Variants in HECW2 observed in about 807,000 individuals in gnomAD.
HECW2 encodes the protein HECT, C2 and WW domain containing E3 ubiquitin protein ligase 2, also known as E3 ubiquitin-protein ligase HECW2.
Under a neutral mutation model 175.2 loss-of-function variants are expected in HECW2, and 61 were observed. That is an observed-to-expected ratio of 0.35 (90% confidence interval 0.28 to 0.43). The LOEUF (loss-of-function observed/expected upper bound fraction) is 0.43. HECW2 is among the 20% of genes least tolerant of loss of function. The probability of loss-of-function intolerance (pLI) is 1.00; values close to 1 mark genes in which losing one functional copy is unlikely to be tolerated. For missense variants in HECW2, 1,524 were observed against 2,000.5 expected (o/e 0.76, Z 4.54); for synonymous variants, 671 against 731.0 (o/e 0.92, Z 1.32).
chr2:196,257,269 T>C (rs1484914887), intron 18 of HECW2, among the ~76,000 whole-genome samples: 1 of 131,756 alleles, frequency 7.6e-6, no homozygotes, highest in East Asian at 1.9e-4. Flanking sequence ...GATTTAACCA[T>C]TGGAGGGTGA....
chr2:196,481,447 G>C (rs1686840905), intron 1 of HECW2, among the ~76,000 whole-genome samples: 1 of 152,166 alleles, frequency 6.6e-6, no homozygotes, highest in Non-Finnish European at 1.5e-5. Context: ...TATGTGCTCT[G>C]CCACATTGCA....
chr2:196,546,832 AAAAG>A (rs1213257493), intron 1 of HECW2, among the ~76,000 whole-genome samples: 2 of 152,158 alleles, frequency 1.3e-5, no homozygotes, highest in Non-Finnish European at 2.9e-5. Context: ...AAAAAAAAAA[AAAAG>A]AGAGAAAGTA....
chr2:196,293,568 G>C (rs1329183369), intron 13 of HECW2, among the ~76,000 whole-genome samples: 1 of 152,134 alleles, frequency 6.6e-6, no homozygotes, highest in African/African-American at 2.4e-5. Flanking sequence ...GATCTTTGAG[G>C]AATCTCCACA....
chr2:196,553,227 A>G (rs1689663910), intron 1 of HECW2, among the ~76,000 whole-genome samples: 1 of 152,228 alleles, frequency 6.6e-6, no homozygotes. Context: ...TCCACCCAAC[A>G]GTATGCACTA....
At chr2:196,553,054 G>A (rs1689658603) in intron 1 of HECW2, among the ~76,000 whole-genome samples, 1 of 152,194 alleles carries the variant, frequency 6.6e-6, no homozygotes, top group South Asian at 2.1e-4. Context: ...GGCCAAAGGG[G>A]AAAATATCGC....
intron 28 of HECW2, among the ~76,000 whole-genome samples, chr2:196,210,367 G>T (rs565983888): frequency 1.3e-5 from 2 of 151,862 alleles, no homozygotes; most frequent in African/African-American, 4.8e-5. Flanking sequence ...CTTAGTAATT[G>T]ACTTTTTTTT....
intron 1 of HECW2, among the ~76,000 whole-genome samples, chr2:196,583,723 C>A (rs185228957): frequency 6.6e-6 from 1 of 152,224 alleles, no homozygotes; most frequent in Admixed American, 6.5e-5. Flanking sequence ...AAATAACAAC[C>A]CTTCATAATG....
At chr2:196,513,717 G>A (rs1688042346) in intron 1 of HECW2, among the ~76,000 whole-genome samples, 1 of 152,156 alleles carries the variant, frequency 6.6e-6, no homozygotes, top group Non-Finnish European at 1.5e-5. Context: ...CAATAGTCCT[G>A]GTATATAAGT....
chr2:196,238,139 G>A (rs898588553), intron 21 of HECW2, among the ~76,000 whole-genome samples: 5 of 152,186 alleles, frequency 3.3e-5, no homozygotes, highest in African/African-American at 1.2e-4. Context: ...TGAGGCAGGA[G>A]AATCACTTGA....
chr2:196,278,133 AATAT>A (rs71009094), intron 15 of HECW2, among the ~76,000 whole-genome samples: 1 of 66,552 alleles, frequency 1.5e-5, no homozygotes, highest in African/African-American at 4.1e-5. Flanking sequence ...ATAATTAAAA[AATAT>A]ATATATATAT....
rs148149884 is a variant in HECW2 at position 196,486,162 on chromosome 2, A to C, written c.-35-52704T>G. Among the ~76,000 whole-genome samples the C allele has an allele frequency of 2.0e-5, 3 of 152,320 alleles. No homozygotes were observed. The East Asian group carries it at 5.8e-4, about 29-fold the overall frequency. ...GAACATGTCTGGTAGGAAAGTTATG[A>C]ATAAGGAAGGAAGGAAGCTTAATAG... is the stretch of plus-strand genomic sequence containing the variant. On this transcript the variant is annotated intron_variant, in intron 1 of 28. Coordinates refer to ENST00000644978, the MANE Select transcript of HECW2 (RefSeq NM_001348768.2).
At chr2:196,235,481 C>G (rs754351352) in intron 21 of HECW2, among the ~76,000 whole-genome samples, 2 of 151,900 alleles carry the variant, frequency 1.3e-5, no homozygotes, top group Non-Finnish European at 2.9e-5. Flanking sequence ...TTGCAGCCAT[C>G]CTGTAAATTT....
chr2:196,513,846 A>G (rs1461391743), intron 1 of HECW2, among the ~76,000 whole-genome samples: 1 of 152,238 alleles, frequency 6.6e-6, no homozygotes, highest in Admixed American at 6.5e-5. Context: ...AAGTAAGTAC[A>G]GAAATAGAGG....
At chr2:196,361,394 G>A (rs546148362) in intron 2 of HECW2, among the ~76,000 whole-genome samples, 1 of 152,306 alleles carries the variant, frequency 6.6e-6, no homozygotes, top group East Asian at 1.9e-4. Flanking sequence ...CACTCCCTGA[G>A]AGAAGAACTT....
chr2:196,536,548 C>G (rs796799997), intron 1 of HECW2, among the ~76,000 whole-genome samples: 1 of 152,242 alleles, frequency 6.6e-6, no homozygotes, highest in Non-Finnish European at 1.5e-5. Context: ...TACCGACAAG[C>G]GAAGAAGCAA....
chr2:196,257,005 G>A (rs1689080924), intron 18 of HECW2, among the ~76,000 whole-genome samples: 1 of 152,236 alleles, frequency 6.6e-6, no homozygotes, highest in Admixed American at 6.5e-5. Flanking sequence ...AATGGTCAGG[G>A]TCAAGATCAT....
chr2:196,520,481 G>A (rs1688322862), intron 1 of HECW2, among the ~76,000 whole-genome samples: 1 of 152,180 alleles, frequency 6.6e-6, no homozygotes, highest in South Asian at 2.1e-4. Flanking sequence ...CACCTGAAAG[G>A]GCAGACAGTG....
In HECW2 at chr2:196,242,164, C is replaced by T. The variant is rs1030348963; in HGVS notation, c.3570G>A (p.Lys1190=). Residue 1190 remains lysine, a synonymous_variant, in exon 20 of 29, where the codon AAG becomes AAA. Coordinates refer to ENST00000644978, the MANE Select transcript of HECW2 (RefSeq NM_001348768.2). The stretch of plus-strand genomic sequence containing the variant: ...TCCTCAGTTTGGCTTCGAAATCCCG[C>T]TTGTAAGGGGCTGGAGCCCGGGCAT... ...RANARAPAPY[K]RDFEAKLRNF... 16 of 1,614,076 alleles carry T rather than the reference C, an allele frequency of 9.9e-6. No homozygotes were observed. Among genetic ancestry groups the T allele is most frequent in the Non-Finnish European group, 1.1e-5 (13 of 1,180,030 alleles).
chr2:196,255,891 G>A (rs1181914855), intron 18 of HECW2, among the ~76,000 whole-genome samples: 1 of 152,022 alleles, frequency 6.6e-6, no homozygotes, highest in East Asian at 1.9e-4. Flanking sequence ...TGGGCAACAC[G>A]GTGAAACCCC....
Sources: gnomAD v4.1 joint callset for allele counts (sites outside exome capture counted in the v4.1 genomes callset) on GRCh38, gnomAD v4.1.1 for gene constraint, MANE v1.5 for transcripts, NCBI Gene and HGNC (gene_info 2026-07-23, HGNC 2026-07-21) for gene names.